ZCCHC7: variants seen among roughly 807,000 people sequenced by gnomAD.
The protein encoded by ZCCHC7 is zinc finger CCHC domain-containing protein 7.
In ZCCHC7, 35 loss-of-function variants were observed where a neutral mutation model predicts 52.0. The observed-to-expected ratio is 0.67, with a 90% CI of 0.51 to 0.89. The LOEUF (loss-of-function observed/expected upper bound fraction) is 0.89, where lower values mean the gene tolerates loss of function less well. Among genes scored for constraint, ZCCHC7 ranks in the 40% least tolerant of loss-of-function variants. ZCCHC7 has a pLI of 0.00. For synonymous variants in ZCCHC7, 217 were observed against 221.5 expected (o/e 0.98, Z 0.18); for missense variants, 574 against 649.1 (o/e 0.88, Z 1.26).
chr9:37,173,126 C>T (rs1180422778), intron 2 of ZCCHC7, among the ~76,000 whole-genome samples: 4 of 148,708 alleles, frequency 2.7e-5, no homozygotes, highest in Admixed American at 6.7e-5. Flanking sequence ...GAGTGAACAA[C>T]GTGGGCATTC....
At chr9:37,306,762 CTTTTTTTTTTTTTTTTTTTTTTTTTTTT>C (rs869292704) in intron 5 of ZCCHC7, among the ~76,000 whole-genome samples, 10 of 52,034 alleles carry the variant, frequency 1.9e-4, no homozygotes, top group South Asian at 1.6e-3. Context: ...TGTACCCGAC[CTTTTTTTTTTTTTTTTTTTTTTTTTTTT>C]TTTTTTTTTT....
At chr9:37,270,481 C>T (rs1186847402) in intron 2 of ZCCHC7, among the ~76,000 whole-genome samples, 4 of 151,672 alleles carry the variant, frequency 2.6e-5, no homozygotes, top group Admixed American at 6.6e-5. Context: ...ACCTGAAGTC[C>T]GGGGTTCAAA....
intron 2 of ZCCHC7, among the ~76,000 whole-genome samples, chr9:37,234,566 C>T (rs751222045): frequency 2.0e-5 from 3 of 152,126 alleles, no homozygotes; most frequent in Non-Finnish European, 4.4e-5. Context: ...TTAACCATCC[C>T]TTATCACCAT....
At chr9:37,172,383 AGACT>A (rs1295859582) in intron 2 of ZCCHC7, among the ~76,000 whole-genome samples, 1 of 152,220 alleles carries the variant, frequency 6.6e-6, no homozygotes, top group East Asian at 1.9e-4. Flanking sequence ...TTGACATTAC[AGACT>A]GACTTTTAAA....
chr9:37,133,279 A>G (rs911290998), intron 2 of ZCCHC7, among the ~76,000 whole-genome samples: 1 of 152,198 alleles, frequency 6.6e-6, no homozygotes, highest in African/African-American at 2.4e-5. Flanking sequence ...TGTAAATACC[A>G]TGTAAATAAC....
At chr9:37,144,044 T>TA (rs1251766227) in intron 2 of ZCCHC7, among the ~76,000 whole-genome samples, 2 of 151,852 alleles carry the variant, frequency 1.3e-5, no homozygotes, top group African/African-American at 4.8e-5. Flanking sequence ...TTTTTAATTT[T>TA]AAATGTTGAC....
chr9:37,221,208 C>G (rs1489984192), intron 2 of ZCCHC7, among the ~76,000 whole-genome samples: 2 of 152,104 alleles, frequency 1.3e-5, no homozygotes, highest in East Asian at 3.8e-4. Context: ...TAGAGAAATA[C>G]TGGTAACATG....
intron 2 of ZCCHC7, among the ~76,000 whole-genome samples, chr9:37,251,925 A>G (rs1297067112): frequency 5.9e-5 from 9 of 152,256 alleles, no homozygotes; most frequent in Non-Finnish European, 1.5e-5. Context: ...ATTAGCTTAC[A>G]TTAGTGTTTT....
chr9:37,246,982 T>G (rs1469634080), intron 2 of ZCCHC7, among the ~76,000 whole-genome samples: 1 of 152,188 alleles, frequency 6.6e-6, no homozygotes, highest in Non-Finnish European at 1.5e-5. Flanking sequence ...AAGAATACAG[T>G]GTATCGTTAA....
intron 2 of ZCCHC7, among the ~76,000 whole-genome samples, chr9:37,187,405 C>G (rs1002531096): frequency 2.0e-5 from 3 of 152,244 alleles, no homozygotes; most frequent in Admixed American, 2.0e-4. Context: ...CTATGAGAAT[C>G]TAATGCAGCA....
At chr9:37,245,373 C>T (rs1313554932) in intron 2 of ZCCHC7, among the ~76,000 whole-genome samples, 1 of 151,834 alleles carries the variant, frequency 6.6e-6, no homozygotes, top group Non-Finnish European at 1.5e-5. Flanking sequence ...AAAGGAATTT[C>T]CATTTAAACA....
chr9:37,273,444 A>C (rs1588589813), intron 2 of ZCCHC7, among the ~76,000 whole-genome samples: 1 of 152,204 alleles, frequency 6.6e-6, no homozygotes. Flanking sequence ...TGGAGCTTGC[A>C]GTGAGCTGAG....
intron 5 of ZCCHC7, among the ~76,000 whole-genome samples, chr9:37,308,231 A>G: frequency 6.6e-6 from 1 of 152,214 alleles, no homozygotes; most frequent in Non-Finnish European, 1.5e-5. Context: ...ACCAAGTCTT[A>G]AAAATGATAA....
chr9:37,284,860 T>G (rs987044637), intron 2 of ZCCHC7, among the ~76,000 whole-genome samples: 2 of 152,082 alleles, frequency 1.3e-5, no homozygotes, highest in Non-Finnish European at 2.9e-5. Context: ...GTTTCTGGAG[T>G]GTAGGTTAGT....
At chr9:37,129,575 A>AT (rs530308060) in intron 2 of ZCCHC7, among the ~76,000 whole-genome samples, 145 of 152,290 alleles carry the variant, frequency 9.5e-4, no homozygotes, top group African/African-American at 3.4e-3. Flanking sequence ...TAGAGAGAAG[A>AT]TTTTTCTCAT....
In ZCCHC7 at chr9:37,325,498, A is replaced by G. The variant is rs1013190481; in HGVS notation, c.952-2301A>G. The stretch of plus-strand genomic sequence containing the variant: ...CAATAGGTATATAATTTTCCATGCA[A>G]TAGATACATACATTTGGGTGCCATG... On this transcript the variant is annotated intron_variant, in intron 5 of 8. Transcript: ENST00000336755. Among the ~76,000 whole-genome samples, 3 of 152,178 alleles carry G rather than the reference A, an allele frequency of 2.0e-5. No homozygotes were observed. In the East Asian group the frequency reaches 5.8e-4, roughly 29 times the overall value.
chr9:37,347,857 C>T (rs1037315959), intron 6 of ZCCHC7, among the ~76,000 whole-genome samples: 1 of 152,338 alleles, frequency 6.6e-6, no homozygotes, highest in Non-Finnish European at 1.5e-5. Flanking sequence ...CTAGGCCTCT[C>T]TGCTATATTT....
At chr9:37,332,926 A>G (rs1830508903) in intron 6 of ZCCHC7, among the ~76,000 whole-genome samples, 1 of 151,530 alleles carries the variant, frequency 6.6e-6, no homozygotes, top group African/African-American at 2.4e-5. Flanking sequence ...TTAGAATAAG[A>G]TCATTTAGAT....
At chr9:37,207,841 T>A (rs1218296327) in intron 2 of ZCCHC7, among the ~76,000 whole-genome samples, 1 of 152,212 alleles carries the variant, frequency 6.6e-6, no homozygotes, top group African/African-American at 2.4e-5. Flanking sequence ...TCTGGTGTGA[T>A]TTCCTATCTG....
Sources: gnomAD v4.1 joint callset for allele counts (sites outside exome capture counted in the v4.1 genomes callset) on GRCh38, gnomAD v4.1.1 for gene constraint, MANE v1.5 for transcripts, NCBI Gene and HGNC (gene_info 2026-07-23, HGNC 2026-07-21) for gene names.